Variants in PCGF3 observed in about 807,000 individuals in gnomAD.
PCGF3 encodes the protein polycomb group ring finger 3.
PCGF3 carries 7 observed loss-of-function variants against 33.1 expected under a neutral mutation model. The observed-to-expected ratio is 0.21, with a 90% CI of 0.12 to 0.40. The LOEUF (loss-of-function observed/expected upper bound fraction) is 0.40, where lower values mean the gene tolerates loss of function less well. Ranked by LOEUF, PCGF3 falls within the 10% of genes least tolerant of loss-of-function variation. The pLI is 1.00. For synonymous variants in PCGF3, 153 were observed against 121.3 expected, an observed-to-expected ratio of 1.26 and a Z score of -1.72; for missense variants, 211 against 313.3, an observed-to-expected ratio of 0.67 and a Z score of 2.46.
chr4:734,366 C>T (rs1212002204), intron 4 of PCGF3: 13 of 1,408,048 alleles, frequency 9.2e-6, no homozygotes, highest in African/African-American at 1.4e-5. Flanking sequence ...CTCTTGATGG[C>T]TGGGGAGCAT....
chr4:754,926 C>T (rs903793276), intron 8 of PCGF3, among the ~76,000 whole-genome samples: 10 of 152,232 alleles, frequency 6.6e-5, no homozygotes, highest in African/African-American at 2.2e-4. Context: ...GCAGGATTCG[C>T]TGGTGATCCA....
intron 7 of PCGF3, chr4:743,971 G>A (rs1744205407): frequency 1.1e-5 from 2 of 175,436 alleles, no homozygotes; most frequent in South Asian, 2.7e-4. Flanking sequence ...AAATCTGAGG[G>A]TATCACAACA....
chr4:738,992 C>T (rs1206595952), intron 6 of PCGF3, among the ~76,000 whole-genome samples: 2 of 152,208 alleles, frequency 1.3e-5, no homozygotes, highest in African/African-American at 4.8e-5. Flanking sequence ...GCCGTCCTTG[C>T]TGCACCTGCT....
intron 3 of PCGF3, chr4:732,349 C>CCCTTCCCCTCCCCCCCCTTCT (rs1743623544): frequency 7.8e-6 from 1 of 128,038 alleles, no homozygotes; most frequent in Non-Finnish European, 1.7e-5. Context: ...CCCCTCCCTT[C>CCCTTCCCCTCCCCCCCCTTCT]CCTTCCCCTC....
chr4:763,873 T>C (rs910174694), intron 9 of PCGF3, among the ~76,000 whole-genome samples: 8 of 152,140 alleles, frequency 5.3e-5, no homozygotes, highest in African/African-American at 7.2e-5. Context: ...TATCCAGTAC[T>C]GAAAAGAAAT....
At chr4:733,597 G>A (rs1170506683) in intron 3 of PCGF3, 75 bp from the exon 4 acceptor site, 9 of 1,466,798 alleles carry the variant, frequency 6.1e-6, no homozygotes, top group African/African-American at 5.6e-5. Context: ...CCCTGGGGGC[G>A]GCTGTCAGAG....
At chr4:729,405 AT>A (rs1243228015) in intron 1 of PCGF3, among the ~76,000 whole-genome samples, 3 of 147,402 alleles carry the variant, frequency 2.0e-5, no homozygotes, top group Non-Finnish European at 4.5e-5. Flanking sequence ...GCAGAGCAAG[AT>A]CCTGTCTCAA....
chr4:743,626 C>T (rs1447880774), intron 7 of PCGF3, 42 bp downstream of exon 7: 2 of 1,137,748 alleles, frequency 1.8e-6, no homozygotes, highest in East Asian at 2.4e-5. Context: ...CGGGAATCCC[C>T]TGCATGAGGC....
chr4:740,953 C>G (rs1744063803), intron 6 of PCGF3, among the ~76,000 whole-genome samples: 1 of 152,154 alleles, frequency 6.6e-6, no homozygotes, highest in Non-Finnish European at 1.5e-5. Flanking sequence ...ATGACGACGT[C>G]AGAACGAGGA....
intron 9 of PCGF3, among the ~76,000 whole-genome samples, chr4:763,928 C>T (rs369294807): frequency 4.8e-4 from 73 of 152,296 alleles, no homozygotes; most frequent in Middle Eastern, 3.4e-3. Flanking sequence ...ACATCAAGTC[C>T]CTGTTACTAA....
chr4:765,478 AAC>A (rs1371335474), intron 10 of PCGF3, among the ~76,000 whole-genome samples: 1 of 152,030 alleles, frequency 6.6e-6, no homozygotes, highest in Non-Finnish European at 1.5e-5. Context: ...ATTGTTGTGA[AAC>A]ACAGTTCTGG....
chr4:726,137 C>G (rs776358206), intron 1 of PCGF3, among the ~76,000 whole-genome samples: 1 of 152,228 alleles, frequency 6.6e-6, no homozygotes, highest in Non-Finnish European at 1.5e-5. Context: ...GCCTGTGTGG[C>G]GCTGCGGCCG....
intron 4 of PCGF3, 154 bp downstream of exon 4, chr4:733,943 C>A: frequency 6.4e-7 from 1 of 1,554,442 alleles, no homozygotes; most frequent in South Asian, 1.2e-5. Flanking sequence ...GAAGATAAGT[C>A]AGAAAAGTCA....
chr4:762,210 T>C (rs1745099265), intron 9 of PCGF3: 1 of 550,832 alleles, frequency 1.8e-6, no homozygotes, highest in Non-Finnish European at 2.3e-6. Context: ...AATAAAGGAT[T>C]TTGGGATGAA....
chr4:740,856 C>T (rs1744058146), intron 6 of PCGF3, among the ~76,000 whole-genome samples: 1 of 152,212 alleles, frequency 6.6e-6, no homozygotes, highest in African/African-American at 2.4e-5. Flanking sequence ...GAGTGTGTGC[C>T]AGGAGTGTGC....
chr4:727,058 G>A (rs1025607487), intron 1 of PCGF3, among the ~76,000 whole-genome samples: 1 of 152,122 alleles, frequency 6.6e-6, no homozygotes, highest in Non-Finnish European at 1.5e-5. Flanking sequence ...GGGCACCTGC[G>A]TTGCTCACTC....
chr4:760,415 ATC>A (rs1311820460), intron 8 of PCGF3, among the ~76,000 whole-genome samples: 2 of 147,938 alleles, frequency 1.4e-5, no homozygotes, highest in Non-Finnish European at 3.0e-5. Flanking sequence ...GCTGAGAAGA[ATC>A]TGTGGTTCAG....
intron 7 of PCGF3, 167 bp downstream of exon 7, chr4:743,751 C>G (rs1744195486): frequency 1.8e-6 from 1 of 562,284 alleles, no homozygotes; most frequent in South Asian, 2.1e-5. Context: ...CTCCTCACTC[C>G]TGGTACCAGT....
intron 1 of PCGF3, among the ~76,000 whole-genome samples, chr4:711,343 T>C (rs1415103444): frequency 6.6e-6 from 1 of 152,244 alleles, no homozygotes; most frequent in Non-Finnish European, 1.5e-5. Flanking sequence ...GAGTCTTGTT[T>C]TGGTGTATGC....
Sources: gnomAD v4.1 joint callset for allele counts (sites outside exome capture counted in the v4.1 genomes callset) on GRCh38, gnomAD v4.1.1 for gene constraint, MANE v1.5 for transcripts, NCBI Gene and HGNC (gene_info 2026-07-23, HGNC 2026-07-21) for gene names.